SPAG16: variants seen among roughly 807,000 people sequenced by gnomAD.
SPAG16 encodes sperm-associated antigen 16 protein.
Under a neutral mutation model 80.4 loss-of-function variants are expected in SPAG16, and 86 were observed. That is an observed-to-expected ratio of 1.07 (90% confidence interval 0.90 to 1.28). The LOEUF (loss-of-function observed/expected upper bound fraction) is 1.28. Ranked by LOEUF, SPAG16 falls within the 50% of genes most tolerant of loss-of-function variation. The pLI is 0.00. For synonymous variants in SPAG16, 294 were observed against 265.9 expected (o/e 1.11, Z -1.03); for missense variants, 870 against 765.3 (o/e 1.14, Z -1.61).
At chr2:213,728,874 CTCAAAAAAAAAAAAAAAAA>C (rs2066896784) in intron 10 of SPAG16, among the ~76,000 whole-genome samples, 1 of 46,632 alleles carries the variant, frequency 2.1e-5, no homozygotes. Context: ...GAGACTCCGT[CTCAAAAAAAAAAAAAAAAA>C]AAAAAAAAAA....
intron 10 of SPAG16, among the ~76,000 whole-genome samples, chr2:213,718,966 G>A (rs145697371): frequency 0.038 from 5,827 of 152,302 alleles, 299 homozygotes; most frequent in African/African-American, 0.12. Flanking sequence ...GAGTCTGGTG[G>A]GGACGTGGAG....
At chr2:213,559,240 C>G (rs1012919642) in intron 10 of SPAG16, among the ~76,000 whole-genome samples, 3 of 152,160 alleles carry the variant, frequency 2.0e-5, no homozygotes, top group Non-Finnish European at 4.4e-5. Context: ...TCTACACATT[C>G]CAAACGGAGT....
chr2:214,126,033 TCCTTCCTTCCTTCCTTCCTTCCTTCC>T (rs1213242428), intron 14 of SPAG16, among the ~76,000 whole-genome samples: 11,207 of 66,942 alleles, frequency 0.17, 982 homozygotes, highest in East Asian at 0.25. Context: ...CTTCCTTCCT[TCCTTCCTTCCTTCCTTCCTTCCTTCC>T]TTTTTTTTTT....
intron 10 of SPAG16, among the ~76,000 whole-genome samples, chr2:213,509,050 G>A (rs918398562): frequency 6.6e-6 from 1 of 151,238 alleles, no homozygotes; most frequent in Non-Finnish European, 1.5e-5. Context: ...AGGCTGGAGT[G>A]CAGTGATGCA....
At chr2:214,041,452 CT>C (rs35019214) in intron 13 of SPAG16, among the ~76,000 whole-genome samples, 1,434 of 143,146 alleles carry the variant, frequency 0.01, 22 homozygotes, top group African/African-American at 0.034. Context: ...GTAGTAGTTT[CT>C]TTTTTTTTTT....
chr2:213,299,855 A>T (rs2062661684), intron 3 of SPAG16, among the ~76,000 whole-genome samples: 1 of 152,164 alleles, frequency 6.6e-6, no homozygotes, highest in Admixed American at 6.5e-5. Flanking sequence ...ACAGGTATGA[A>T]TACAAGTAAA....
chr2:213,986,292 A>C (rs565402454), intron 12 of SPAG16, among the ~76,000 whole-genome samples: 68 of 152,208 alleles, frequency 4.5e-4, no homozygotes, highest in Admixed American at 9.2e-4. Context: ...ACCCATGAGT[A>C]TGTAAGATTG....
At chr2:213,485,559 T>G (rs890217355) in intron 9 of SPAG16, among the ~76,000 whole-genome samples, 4 of 152,088 alleles carry the variant, frequency 2.6e-5, no homozygotes, top group African/African-American at 9.7e-5. Flanking sequence ...GTGATGCATT[T>G]TTTTTTTTCA....
intron 15 of SPAG16, among the ~76,000 whole-genome samples, chr2:214,262,985 C>T (rs1235248880): frequency 1.3e-5 from 2 of 151,992 alleles, no homozygotes; most frequent in East Asian, 1.9e-4. Context: ...AAGGTACACA[C>T]GTGATATTTT....
chr2:213,912,760 T>C (rs1481777589), intron 11 of SPAG16, among the ~76,000 whole-genome samples: 2 of 152,038 alleles, frequency 1.3e-5, no homozygotes, highest in Non-Finnish European at 2.9e-5. Context: ...CAGACCTGAA[T>C]TGAGAAGCAA....
intron 10 of SPAG16, among the ~76,000 whole-genome samples, chr2:213,827,296 G>GTGA (rs1402343657): frequency 2.6e-5 from 4 of 151,466 alleles, no homozygotes; most frequent in African/African-American, 9.7e-5. Context: ...ATTTTCTATG[G>GTGA]TGATTTGTTT....
intron 10 of SPAG16, among the ~76,000 whole-genome samples, chr2:213,722,434 T>C (rs2066570925): frequency 2.0e-5 from 3 of 152,178 alleles, no homozygotes; most frequent in African/African-American, 7.2e-5. Context: ...AACTACTCTA[T>C]GCTTCTTTAA....
chr2:213,597,561 A>T (rs1044276351), intron 10 of SPAG16, among the ~76,000 whole-genome samples: 1 of 152,116 alleles, frequency 6.6e-6, no homozygotes, highest in Non-Finnish European at 1.5e-5. Context: ...TTAATTCAAA[A>T]CTTCATCTTG....
intron 15 of SPAG16, among the ~76,000 whole-genome samples, chr2:214,318,373 C>CTTTT (rs34923875): frequency 2.1e-4 from 15 of 69,806 alleles, no homozygotes; most frequent in Non-Finnish European, 2.3e-4. Flanking sequence ...AGAGTGAATT[C>CTTTT]TTTTTTTTTT....
At chr2:213,327,051 A>G (rs532444577) in intron 5 of SPAG16, among the ~76,000 whole-genome samples, 2 of 152,074 alleles carry the variant, frequency 1.3e-5, no homozygotes, top group South Asian at 4.1e-4. Flanking sequence ...GTACCATTTT[A>G]TTAAGACAAA....
chr2:214,223,818 C>T (rs1576535140), intron 15 of SPAG16, among the ~76,000 whole-genome samples: 1 of 152,030 alleles, frequency 6.6e-6, no homozygotes, highest in African/African-American at 2.4e-5. Flanking sequence ...ATGCAGAAAA[C>T]TCGCAATGTA....
intron 10 of SPAG16, among the ~76,000 whole-genome samples, chr2:213,777,237 ATTT>A (rs59548915): frequency 6.0e-5 from 5 of 82,754 alleles, no homozygotes; most frequent in African/African-American, 2.4e-4. Flanking sequence ...GTTTGTAGGA[ATTT>A]TTTTTTTTTT....
At chr2:213,726,698 A>G (rs2066783740) in intron 10 of SPAG16, among the ~76,000 whole-genome samples, 1 of 152,224 alleles carries the variant, frequency 6.6e-6, no homozygotes, top group Non-Finnish European at 1.5e-5. Flanking sequence ...AGCTGTGTCA[A>G]AAGTAAGTGT....
At chr2:214,337,571 AC>A (rs1697385795) in intron 15 of SPAG16, among the ~76,000 whole-genome samples, 1 of 152,202 alleles carries the variant, frequency 6.6e-6, no homozygotes, top group African/African-American at 2.4e-5. Flanking sequence ...AATCAGGTCT[AC>A]CATTCTGATA....
Sources: gnomAD v4.1 joint callset for allele counts (sites outside exome capture counted in the v4.1 genomes callset) on GRCh38, gnomAD v4.1.1 for gene constraint, MANE v1.5 for transcripts, NCBI Gene and HGNC (gene_info 2026-07-23, HGNC 2026-07-21) for gene names.